PTPRD: variants seen among roughly 807,000 people sequenced by gnomAD.
The protein encoded by PTPRD is protein tyrosine phosphatase receptor type D.
In PTPRD, 34 loss-of-function variants were observed where a neutral mutation model predicts 214.5. The ratio of observed to expected loss-of-function variants is 0.16; its 90% CI spans 0.12 to 0.21. The LOEUF is 0.21. Among genes scored for constraint, PTPRD ranks in the 10% least tolerant of loss-of-function variants. The probability of loss-of-function intolerance (pLI) is 1.00; values close to 1 mark genes in which losing one functional copy is unlikely to be tolerated. For missense variants in PTPRD, 2,545 were observed against 2,398.7 expected (o/e 1.06, Z -1.27); for synonymous variants, 1,128 against 845.7 (o/e 1.33, Z -5.79).
intron 11 of PTPRD, among the ~76,000 whole-genome samples, chr9:9,014,074 A>C (rs953168811): frequency 6.6e-6 from 1 of 152,094 alleles, no homozygotes; most frequent in Non-Finnish European, 1.5e-5. Flanking sequence ...ATTTTTCTAT[A>C]ATAAGTAAAT....
At chr9:10,177,950 G>C (rs1415279897) in intron 3 of PTPRD, among the ~76,000 whole-genome samples, 1 of 151,850 alleles carries the variant, frequency 6.6e-6, no homozygotes, top group Non-Finnish European at 1.5e-5. Context: ...ACCAAAATGG[G>C]AGCAGTCCAG....
chr9:10,089,856 C>A (rs1323066520), intron 3 of PTPRD, among the ~76,000 whole-genome samples: 1 of 151,654 alleles, frequency 6.6e-6, no homozygotes, highest in Non-Finnish European at 1.5e-5. Context: ...GTAGAACCAT[C>A]AGACACCTGA....
chr9:10,336,386 C>T lies in PTPRD; in HGVS notation c.-545+4577G>A, dbSNP rs535932574. On this transcript the variant is annotated intron_variant, in intron 3 of 45. Coordinates refer to ENST00000381196, the MANE Select transcript of PTPRD (RefSeq NM_002839.4). The stretch of plus-strand genomic sequence containing the variant: ...TCCTAAAGTGACTACCGGAAGGAAA[C>T]GAGCATGAGGATTATGGGTGGGAGT... 1.1e-3 allele frequency among the ~76,000 whole-genome samples: 165 copies of T among 151,510 alleles called. 2 individuals carry two copies. The highest frequency in any genetic ancestry group is 2.0e-3 in the Non-Finnish European group (133 of 67,690).
chr9:10,058,793 G>C (rs2097704632), intron 3 of PTPRD, among the ~76,000 whole-genome samples: 1 of 152,014 alleles, frequency 6.6e-6, no homozygotes, highest in African/African-American at 2.4e-5. Flanking sequence ...GCGCTGGATA[G>C]GCACCATTGT....
At position 8,376,643 on chromosome 9, in the gene PTPRD, C is replaced by T. The variant is rs2083337957; in HGVS notation, c.4470G>A (p.Leu1490=). The change falls in exon 38 of 46, where the codon CTG becomes CTA. Residue 1490 remains leucine (L), a synonymous_variant. Transcript: ENST00000381196. ...CAAATGTTCGAACACAATATGTGGCCAGCTCCACAGTATCAAGCAGCGTTA... is the reference window on the plus strand; with the variant it reads ...CAAATGTTCGAACACAATATGTGGCTAGCTCCACAGTATCAAGCAGCGTTA... The part of the protein sequence containing the change: ...VQVTLLDTVE[L]ATYCVRTFAL... 2 of 1,612,868 alleles carry T rather than the reference C, an allele frequency of 1.2e-6. No homozygotes were observed. Among genetic ancestry groups the T allele is most frequent in the Non-Finnish European group, 1.7e-6 (2 of 1,179,336 alleles).
intron 7 of PTPRD, among the ~76,000 whole-genome samples, chr9:9,702,856 A>G (rs923580107): frequency 6.6e-6 from 1 of 152,170 alleles, no homozygotes; most frequent in Non-Finnish European, 1.5e-5. Flanking sequence ...GTAAAGAATA[A>G]CAAGATCTTA....
At chr9:9,696,879 C>G (rs781280520) in intron 7 of PTPRD, among the ~76,000 whole-genome samples, 1 of 152,060 alleles carries the variant, frequency 6.6e-6, no homozygotes, top group Non-Finnish European at 1.5e-5. Context: ...AATTCTCTCT[C>G]ACTTTCTTCC....
chr9:8,688,074 T>C (rs762173453), intron 12 of PTPRD, among the ~76,000 whole-genome samples: 3 of 152,248 alleles, frequency 2.0e-5, no homozygotes, highest in Non-Finnish European at 2.9e-5. Flanking sequence ...ACAATTTTTA[T>C]TTGCATAAAT....
At chr9:8,756,464 C>T (rs1251706827) in intron 11 of PTPRD, among the ~76,000 whole-genome samples, 1 of 152,184 alleles carries the variant, frequency 6.6e-6, no homozygotes, top group African/African-American at 2.4e-5. Flanking sequence ...TACAGCAAAT[C>T]CATCTGCAAT....
intron 3 of PTPRD, among the ~76,000 whole-genome samples, chr9:10,329,742 CA>C (rs1444444461): frequency 2.6e-5 from 4 of 151,864 alleles, no homozygotes; most frequent in Non-Finnish European, 4.4e-5. Flanking sequence ...TGACTTACTA[CA>C]GTGATATTCT....
At chr9:9,011,181 G>A (rs1250795317) in intron 11 of PTPRD, among the ~76,000 whole-genome samples, 1 of 151,996 alleles carries the variant, frequency 6.6e-6, no homozygotes, top group African/African-American at 2.4e-5. Flanking sequence ...TACAAAAGTG[G>A]GGGGAGTCTT....
intron 11 of PTPRD, among the ~76,000 whole-genome samples, chr9:8,871,103 A>G (rs890027632): frequency 3.3e-5 from 5 of 152,172 alleles, no homozygotes; most frequent in African/African-American, 7.2e-5. Context: ...AGCGTTGGCA[A>G]TGCCCGCTCC....
intron 8 of PTPRD, among the ~76,000 whole-genome samples, chr9:9,477,999 C>A (rs1157685301): frequency 6.6e-6 from 1 of 152,178 alleles, no homozygotes; most frequent in African/African-American, 2.4e-5. Context: ...AATTTAATAA[C>A]AGTAATGAAA....
chr9:9,829,996 A>G (rs2054283432), intron 5 of PTPRD, among the ~76,000 whole-genome samples: 1 of 151,846 alleles, frequency 6.6e-6, no homozygotes, highest in South Asian at 2.1e-4. Context: ...GTTAAAGTAT[A>G]GCAGAAGGTT....
At chr9:9,392,859 T>C (rs756940892) in intron 9 of PTPRD, among the ~76,000 whole-genome samples, 50 of 152,234 alleles carry the variant, frequency 3.3e-4, no homozygotes, top group Non-Finnish European at 6.2e-4. Flanking sequence ...AATGAAACTA[T>C]ATTACAGTAA....
At chr9:9,854,796 T>A (rs2061238319) in intron 5 of PTPRD, among the ~76,000 whole-genome samples, 1 of 152,154 alleles carries the variant, frequency 6.6e-6, no homozygotes, top group African/African-American at 2.4e-5. Context: ...CTTTTGCTAA[T>A]TTTGACAGTG....
intron 19 of PTPRD, among the ~76,000 whole-genome samples, chr9:8,521,802 C>T (rs746875660): frequency 1.3e-5 from 2 of 152,094 alleles, no homozygotes; most frequent in Non-Finnish European, 2.9e-5. Flanking sequence ...CCTACAAGGG[C>T]CCCACAAAAA....
At chr9:8,850,953 G>A (rs1339867364) in intron 11 of PTPRD, among the ~76,000 whole-genome samples, 2 of 152,162 alleles carry the variant, frequency 1.3e-5, no homozygotes. Context: ...TGACCTATAA[G>A]CAGACACTGG....
chr9:8,659,029 C>T (rs1464414148), intron 12 of PTPRD, among the ~76,000 whole-genome samples: 1 of 151,842 alleles, frequency 6.6e-6, no homozygotes, highest in Non-Finnish European at 1.5e-5. Flanking sequence ...CTTAGGAAGC[C>T]TTGAACTTAT....
Sources: gnomAD v4.1 joint callset for allele counts (sites outside exome capture counted in the v4.1 genomes callset) on GRCh38, gnomAD v4.1.1 for gene constraint, MANE v1.5 for transcripts, NCBI Gene and HGNC (gene_info 2026-07-23, HGNC 2026-07-21) for gene names.